KCNH5: variants seen among roughly 807,000 people sequenced by gnomAD.
KCNH5 encodes voltage-gated delayed rectifier potassium channel KCNH5.
KCNH5 carries 46 observed loss-of-function variants against 96.1 expected under a neutral mutation model. The ratio of observed to expected loss-of-function variants is 0.48; its 90% confidence interval spans 0.38 to 0.61. KCNH5 has a LOEUF of 0.61. KCNH5 is among the 20% of genes least tolerant of loss of function. The pLI is 0.00. For missense variants in KCNH5, 907 were observed against 1,225.8 expected (o/e 0.74, Z 3.88); for synonymous variants, 439 against 449.8 (o/e 0.98, Z 0.30).
chr14:63,044,175 C>T (rs1891878777), intron 1 of KCNH5, among the ~76,000 whole-genome samples: 1 of 152,028 alleles, frequency 6.6e-6, no homozygotes. Context: ...AAAAGATATT[C>T]AACATATCTT....
At chr14:62,824,484 A>C (rs1887179034) in intron 8 of KCNH5, among the ~76,000 whole-genome samples, 1 of 152,138 alleles carries the variant, frequency 6.6e-6, no homozygotes, top group South Asian at 2.1e-4. Flanking sequence ...ATACTTCAGT[A>C]CTTCAAAAAA....
chr14:62,945,177 G>T (rs1486697981), intron 7 of KCNH5, among the ~76,000 whole-genome samples: 1 of 152,162 alleles, frequency 6.6e-6, no homozygotes, highest in African/African-American at 2.4e-5. Flanking sequence ...GATTCAGAAG[G>T]TAGATGGTAA....
intron 8 of KCNH5, among the ~76,000 whole-genome samples, chr14:62,824,143 T>C (rs1336282081): frequency 2.6e-5 from 4 of 151,968 alleles, no homozygotes; most frequent in Non-Finnish European, 5.9e-5. Context: ...ATAGACTATA[T>C]TTACTAATTT....
chr14:63,023,962 C>G (rs1291734122), intron 1 of KCNH5, among the ~76,000 whole-genome samples: 3 of 152,060 alleles, frequency 2.0e-5, no homozygotes, highest in African/African-American at 7.2e-5. Flanking sequence ...GTGATCCCAG[C>G]ACTTTGGGAG....
intron 8 of KCNH5, among the ~76,000 whole-genome samples, chr14:62,810,644 A>G (rs1246044276): frequency 1.3e-5 from 2 of 152,122 alleles, no homozygotes; most frequent in African/African-American, 4.8e-5. Context: ...CAGTGCCATG[A>G]CAGTTTACAA....
chr14:62,862,331 G>A (rs1454034311), intron 7 of KCNH5, among the ~76,000 whole-genome samples: 1 of 152,126 alleles, frequency 6.6e-6, no homozygotes, highest in Non-Finnish European at 1.5e-5. Context: ...GATCCCTATG[G>A]AATAGCCAGG....
chr14:63,011,940 C>T (rs1056580028), intron 2 of KCNH5, among the ~76,000 whole-genome samples: 1 of 152,136 alleles, frequency 6.6e-6, no homozygotes, highest in East Asian at 1.9e-4. Context: ...TGTAAATGGT[C>T]TTTCAAAAAA....
chr14:62,896,466 C>A (rs1007314627), intron 7 of KCNH5, among the ~76,000 whole-genome samples: 1 of 152,116 alleles, frequency 6.6e-6, no homozygotes, highest in African/African-American at 2.4e-5. Flanking sequence ...TGTGAAGGAG[C>A]CTCCCTTTCA....
At chr14:62,961,107 A>G (rs1277575938) in intron 6 of KCNH5, among the ~76,000 whole-genome samples, 1 of 152,098 alleles carries the variant, frequency 6.6e-6, no homozygotes, top group Non-Finnish European at 1.5e-5. Context: ...TTTTTTTCCA[A>G]ACATTATGAT....
intron 9 of KCNH5, among the ~76,000 whole-genome samples, chr14:62,791,684 C>G (rs1886438375): frequency 6.6e-6 from 1 of 151,532 alleles, no homozygotes. Context: ...CAAATAAGCT[C>G]ATTATTTAAT....
intron 7 of KCNH5, among the ~76,000 whole-genome samples, chr14:62,882,484 T>C (rs1289426240): frequency 2.6e-5 from 4 of 152,216 alleles, no homozygotes. Flanking sequence ...ACCAGACTTA[T>C]GCTTATTGTA....
rs375020972 is a variant in KCNH5 at position 62,738,921 on chromosome 14, G to T, written c.2020-30466C>A. Among the ~76,000 whole-genome samples the T allele has an allele frequency of 7.2e-5, 11 of 152,204 alleles. No individual in the cohort carries two copies. In the East Asian group the frequency reaches 2.1e-3, roughly 29 times the overall value. On this transcript the variant is annotated intron_variant, in intron 10 of 10. Coordinates refer to ENST00000322893, the MANE Select transcript of KCNH5 (RefSeq NM_139318.5). ...GATGAATTCTGAATGAGGAAATCTGGAAGTCTTTAGAGATGGTGTTACTTT... is the reference window on the plus strand; with the variant it reads ...GATGAATTCTGAATGAGGAAATCTGTAAGTCTTTAGAGATGGTGTTACTTT...
At chr14:62,859,276 T>C (rs1430136338) in intron 7 of KCNH5, among the ~76,000 whole-genome samples, 1 of 152,118 alleles carries the variant, frequency 6.6e-6, no homozygotes, top group East Asian at 1.9e-4. Flanking sequence ...AATTGGACGC[T>C]CAGCAGTGGC....
Position 62,731,721 on chromosome 14 carries a change from A to T in KCNH5, c.2020-23266T>A, listed in dbSNP as rs568051096. The stretch of plus-strand genomic sequence containing the variant: ...CCACAGGTTTAGATGCGTTGCAAAT[A>T]TATTTTTTAAAAATAGCCCCCAAAA... On this transcript the variant is annotated intron_variant, in intron 10 of 10. Transcript: ENST00000322893. Among the ~76,000 whole-genome samples, 41 of 152,344 alleles carry T rather than the reference A, an allele frequency of 2.7e-4. 1 individual carries two copies. The South Asian group carries it at 6.4e-3, about 24-fold the overall frequency.
At chr14:62,845,566 T>C (rs1400801201) in intron 8 of KCNH5, among the ~76,000 whole-genome samples, 1 of 152,206 alleles carries the variant, frequency 6.6e-6, no homozygotes. Context: ...ACCGGCCAGT[T>C]AGTTGGTATT....
intron 10 of KCNH5, among the ~76,000 whole-genome samples, chr14:62,758,391 T>C (rs1038205578): frequency 2.6e-5 from 4 of 152,036 alleles, no homozygotes; most frequent in Non-Finnish European, 4.4e-5. Flanking sequence ...ACCTACTATA[T>C]ACCCACTGAA....
At chr14:63,021,657 T>G (rs1324894826) in intron 1 of KCNH5, among the ~76,000 whole-genome samples, 1 of 152,042 alleles carries the variant, frequency 6.6e-6, no homozygotes, top group Non-Finnish European at 1.5e-5. Context: ...TCCTGTTCAC[T>G]CAACTCACTC....
intron 10 of KCNH5, among the ~76,000 whole-genome samples, chr14:62,734,152 C>T (rs984502276): frequency 6.6e-6 from 1 of 152,112 alleles, no homozygotes; most frequent in South Asian, 2.1e-4. Context: ...CTATCCTATA[C>T]GCCTCTCTCT....
rs1884359272 is a variant in KCNH5 at position 62,702,234 on chromosome 14, C to T, written c.*5274G>A. ...TTAGGAGAAGTAAAGGAAAATTCCA[C>T]TGTTGGGACAGGGCACCTTTTGCTT... On this transcript the variant is annotated 3_prime_UTR_variant, in exon 11 of 11. Transcript: ENST00000322893. 6.6e-6 allele frequency: 1 copy of T among 152,038 alleles called. No homozygotes were observed. Among genetic ancestry groups the T allele is most frequent in the Non-Finnish European group, 1.5e-5 (1 of 67,930 alleles). 9.4% of individuals were successfully genotyped at this position (152,038 alleles called of 1,614,324 possible).
Sources: allele counts gnomAD v4.1 joint callset (sites outside exome capture counted in the v4.1 genomes callset), GRCh38; gene constraint gnomAD v4.1.1; transcripts MANE v1.5; gene names NCBI Gene and HGNC (gene_info 2026-07-23, HGNC 2026-07-21).